The following MAGI2 variants were observed in gnomAD, a reference collection of about 807,000 sequenced individuals.
The protein encoded by MAGI2 is membrane associated guanylate kinase, WW and PDZ domain containing 2.
In MAGI2, 35 loss-of-function variants were observed where a neutral mutation model predicts 133.3. The observed-to-expected ratio is 0.26, with a 90% CI of 0.20 to 0.35. MAGI2 has a LOEUF of 0.35. MAGI2 is among the 10% of genes least tolerant of loss of function. The probability of loss-of-function intolerance (pLI) is 1.00; values close to 1 mark genes in which losing one functional copy is unlikely to be tolerated. For synonymous variants in MAGI2, 729 were observed against 710.6 expected, an observed-to-expected ratio of 1.03 and a Z score of -0.41; for missense variants, 1,636 against 1,863.4, an observed-to-expected ratio of 0.88 and a Z score of 2.25.
intron 13 of MAGI2, among the ~76,000 whole-genome samples, chr7:78,183,192 A>C (rs961336712): frequency 1.3e-5 from 2 of 152,132 alleles, no homozygotes; most frequent in South Asian, 4.1e-4. Context: ...TCATAACATA[A>C]TTTGATGAGA....
chr7:79,338,811 A>T (rs1017591716), intron 1 of MAGI2, among the ~76,000 whole-genome samples: 9 of 152,102 alleles, frequency 5.9e-5, no homozygotes, highest in Non-Finnish European at 1.3e-4. Context: ...CCTCGTAGCC[A>T]CACCTTGAGA....
At chr7:79,204,895 C>T (rs984077081) in intron 1 of MAGI2, among the ~76,000 whole-genome samples, 2 of 151,508 alleles carry the variant, frequency 1.3e-5, no homozygotes, top group South Asian at 2.1e-4. Context: ...TCTGTGAACT[C>T]GAAGACAGGT....
chr7:78,253,213 T>G (rs537537855), intron 10 of MAGI2: 1 of 152,272 alleles, frequency 6.6e-6, no homozygotes, highest in African/African-American at 2.4e-5. Flanking sequence ...GGAGTGTATC[T>G]GTACAATGGA....
intron 1 of MAGI2, among the ~76,000 whole-genome samples, chr7:79,388,664 A>C (rs1018524200): frequency 4.0e-5 from 6 of 151,794 alleles, no homozygotes; most frequent in Non-Finnish European, 7.4e-5. Flanking sequence ...AGAAAGGCAA[A>C]TGATTTCACA....
intron 2 of MAGI2, among the ~76,000 whole-genome samples, chr7:78,799,020 T>C (rs1787846600): frequency 6.6e-6 from 1 of 152,194 alleles, no homozygotes; most frequent in Non-Finnish European, 1.5e-5. Flanking sequence ...GACTGCCATA[T>C]TGCTCAGTTT....
intron 2 of MAGI2, among the ~76,000 whole-genome samples, chr7:78,713,615 G>A (rs1819418802): frequency 1.3e-5 from 2 of 152,096 alleles, no homozygotes; most frequent in Non-Finnish European, 1.5e-5. Context: ...ATGAAACCTT[G>A]AATGGCGGTA....
In MAGI2 at chr7:78,416,647, A is replaced by T. The variant is rs972992566; in HGVS notation, c.1046-47434T>A. Among the ~76,000 whole-genome samples, 4 of 152,128 alleles carry T rather than the reference A, an allele frequency of 2.6e-5. No homozygotes were observed. In the East Asian group the frequency reaches 7.7e-4, roughly 29 times the overall value. ...CCATTGAATGTCTGTGTCCCTCCAA[A>T]ATCCATGTGGAATCTTAATCCCCAT... On this transcript the variant is annotated intron_variant, in intron 6 of 21. Coordinates refer to ENST00000354212, the MANE Select transcript of MAGI2 (RefSeq NM_012301.4).
intron 21 of MAGI2, among the ~76,000 whole-genome samples, chr7:78,063,079 C>T (rs1813446678): frequency 1.3e-5 from 2 of 152,184 alleles, no homozygotes; most frequent in Admixed American, 6.5e-5. Context: ...TCTGCAATAA[C>T]ATTTTAACTG....
At position 78,895,239 on chromosome 7, in the gene MAGI2, A is replaced by C. The variant is rs566268391; in HGVS notation, c.418+111851T>G. 1.1e-3 allele frequency among the ~76,000 whole-genome samples: 175 copies of C among 152,286 alleles called. 1 individual carries two copies. Among genetic ancestry groups the C allele is most frequent in the African/African-American group, 4.1e-3 (169 of 41,572 alleles). On this transcript the variant is annotated intron_variant, in intron 2 of 21. Transcript: ENST00000354212. ...GCCATGTGATGCCCTTGGCCACCTC[A>C]GGACTCTGCAGATAGTATCTGTCAG...
At chr7:78,726,831 TAAG>T (rs1820860863) in intron 2 of MAGI2, among the ~76,000 whole-genome samples, 1 of 152,106 alleles carries the variant, frequency 6.6e-6, no homozygotes, top group South Asian at 2.1e-4. Context: ...AAATAGTTGA[TAAG>T]AATCACATCT....
At chr7:78,888,988 T>A (rs1302064818) in intron 2 of MAGI2, among the ~76,000 whole-genome samples, 1 of 151,882 alleles carries the variant, frequency 6.6e-6, no homozygotes, top group African/African-American at 2.4e-5. Flanking sequence ...TGAAAAAAAA[T>A]TAGATGAATG....
intron 1 of MAGI2, among the ~76,000 whole-genome samples, chr7:79,361,616 A>G (rs1020127198): frequency 6.6e-6 from 1 of 152,222 alleles, no homozygotes; most frequent in Non-Finnish European, 1.5e-5. Flanking sequence ...AGAATACTCT[A>G]TCCAACAACA....
intron 1 of MAGI2, among the ~76,000 whole-genome samples, chr7:79,422,498 A>G (rs1847036805): frequency 6.6e-6 from 1 of 152,106 alleles, no homozygotes; most frequent in South Asian, 2.1e-4. Flanking sequence ...GTAAAATGTC[A>G]GAAATATACA....
At chr7:79,239,322 T>G (rs1023041338) in intron 1 of MAGI2, among the ~76,000 whole-genome samples, 1 of 152,174 alleles carries the variant, frequency 6.6e-6, no homozygotes, top group Non-Finnish European at 1.5e-5. Context: ...TCAAATTTTG[T>G]TTCTAAGACT....
intron 2 of MAGI2, among the ~76,000 whole-genome samples, chr7:78,654,587 CT>C (rs981975663): frequency 6.6e-6 from 1 of 151,120 alleles, no homozygotes; most frequent in South Asian, 2.1e-4. Flanking sequence ...TGCTTAAACA[CT>C]TTTCCCCTAC....
At chr7:78,549,062 A>G (rs747383128) in intron 3 of MAGI2, among the ~76,000 whole-genome samples, 32 of 152,206 alleles carry the variant, frequency 2.1e-4, no homozygotes, top group Non-Finnish European at 3.4e-4. Context: ...AGTTTAAACT[A>G]CTTTTATTAG....
intron 1 of MAGI2, among the ~76,000 whole-genome samples, chr7:79,250,357 A>AG (rs1341523589): frequency 6.6e-6 from 1 of 151,348 alleles, no homozygotes; most frequent in Non-Finnish European, 1.5e-5. Context: ...CCAAAAAAAA[A>AG]AAAAAAGAAA....
intron 1 of MAGI2, among the ~76,000 whole-genome samples, chr7:79,432,646 C>A (rs1318837659): frequency 6.6e-6 from 1 of 152,150 alleles, no homozygotes; most frequent in Non-Finnish European, 1.5e-5. Flanking sequence ...CCCAGGAGGG[C>A]TGCCTGTTGG....
chr7:78,807,752 A>G (rs952472849), intron 2 of MAGI2, among the ~76,000 whole-genome samples: 3 of 152,206 alleles, frequency 2.0e-5, no homozygotes, highest in Non-Finnish European at 4.4e-5. Context: ...TACTTCATCA[A>G]TAAGTGAATC....
Sources: allele counts gnomAD v4.1 joint callset (sites outside exome capture counted in the v4.1 genomes callset), GRCh38; gene constraint gnomAD v4.1.1; transcripts MANE v1.5; gene names NCBI Gene and HGNC (gene_info 2026-07-23, HGNC 2026-07-21).